COX7B2: variants seen among roughly 807,000 people sequenced by gnomAD.
The protein encoded by COX7B2 is cytochrome c oxidase subunit 7B2, also known as cytochrome c oxidase subunit 7B2, mitochondrial.
For missense variants in COX7B2, 109 were observed against 95.9 expected (o/e 1.14, Z -0.57); for synonymous variants, 37 against 32.1 (o/e 1.15, Z -0.51).
At chr4:46,771,368 A>G (rs912569533) in intron 2 of COX7B2, among the ~76,000 whole-genome samples, 6 of 152,102 alleles carry the variant, frequency 3.9e-5, no homozygotes, top group Non-Finnish European at 8.8e-5. Context: ...GTTGGTGGAC[A>G]TGTAAGTTGG....
At chr4:46,827,174 A>G (rs983286204) in intron 2 of COX7B2, among the ~76,000 whole-genome samples, 3 of 152,076 alleles carry the variant, frequency 2.0e-5, no homozygotes, top group African/African-American at 7.2e-5. Flanking sequence ...GTGAAAGAAA[A>G]AAATATTTGC....
intron 2 of COX7B2, among the ~76,000 whole-genome samples, chr4:46,809,464 T>C (rs531107010): frequency 1.3e-5 from 2 of 152,012 alleles, no homozygotes; most frequent in South Asian, 4.1e-4. Flanking sequence ...TTTTGGTATG[T>C]TGTGTTCCCA....
At chr4:46,737,962 G>A (rs1251782196) in intron 2 of COX7B2, among the ~76,000 whole-genome samples, 2 of 152,078 alleles carry the variant, frequency 1.3e-5, no homozygotes, top group South Asian at 2.1e-4. Context: ...AATTTCTTCC[G>A]AGGTTCAAGA....
At chr4:46,778,314 G>A (rs1717266870) in intron 2 of COX7B2, among the ~76,000 whole-genome samples, 1 of 152,016 alleles carries the variant, frequency 6.6e-6, no homozygotes, top group African/African-American at 2.4e-5. Flanking sequence ...TTACACAAGT[G>A]TCTCCTATAC....
intron 2 of COX7B2, among the ~76,000 whole-genome samples, chr4:46,739,434 C>T (rs1408444715): frequency 2.0e-5 from 3 of 151,958 alleles, no homozygotes; most frequent in Non-Finnish European, 2.9e-5. Flanking sequence ...TATTTATTTA[C>T]CTATTAACTA....
intron 1 of COX7B2, among the ~76,000 whole-genome samples, chr4:46,882,549 C>T (rs1718813356): frequency 6.6e-6 from 1 of 152,056 alleles, no homozygotes; most frequent in Non-Finnish European, 1.5e-5. Context: ...TTATGTAATG[C>T]CTTTCTTTGT....
chr4:46,858,964 T>C (rs919583706), intron 1 of COX7B2, among the ~76,000 whole-genome samples: 1 of 152,232 alleles, frequency 6.6e-6, no homozygotes, highest in Non-Finnish European at 1.5e-5. Flanking sequence ...GATTTTCCTC[T>C]CACTGTTCAT....
intron 2 of COX7B2, among the ~76,000 whole-genome samples, chr4:46,753,746 C>T (rs1045564721): frequency 1.3e-5 from 2 of 151,838 alleles, no homozygotes; most frequent in Non-Finnish European, 2.9e-5. Context: ...TTCTGCAGAG[C>T]AAAAGAAACT....
At chr4:46,764,947 C>A (rs1458197676) in intron 2 of COX7B2, among the ~76,000 whole-genome samples, 1 of 151,682 alleles carries the variant, frequency 6.6e-6, no homozygotes, top group Non-Finnish European at 1.5e-5. Flanking sequence ...AACAAAATGA[C>A]AACAGGACAA....
At chr4:46,897,814 G>A (rs186140161) in intron 1 of COX7B2, among the ~76,000 whole-genome samples, 174 of 152,104 alleles carry the variant, frequency 1.1e-3, no homozygotes, top group African/African-American at 4.0e-3. Context: ...CCCTACCCTG[G>A]GTAATATTTT....
intron 2 of COX7B2, among the ~76,000 whole-genome samples, chr4:46,797,686 C>G (rs1411156871): frequency 6.6e-6 from 1 of 152,162 alleles, no homozygotes; most frequent in Non-Finnish European, 1.5e-5. Context: ...CCCACCACAT[C>G]TCCATTCAAC....
intron 2 of COX7B2, among the ~76,000 whole-genome samples, chr4:46,835,414 C>T (rs998385351): frequency 3.3e-5 from 5 of 151,712 alleles, no homozygotes; most frequent in Non-Finnish European, 4.4e-5. Flanking sequence ...GTAACTGTTA[C>T]GAGATACGCA....
intron 2 of COX7B2, among the ~76,000 whole-genome samples, chr4:46,804,466 G>T (rs1351562992): frequency 6.6e-6 from 1 of 152,068 alleles, no homozygotes; most frequent in African/African-American, 2.4e-5. Context: ...GCTGATTGGT[G>T]TGTTTACAAT....
intron 2 of COX7B2, among the ~76,000 whole-genome samples, chr4:46,820,991 T>C (rs1044957238): frequency 2.0e-5 from 3 of 152,058 alleles, no homozygotes; most frequent in African/African-American, 7.2e-5. Flanking sequence ...CCTGAGAATC[T>C]GAATTTTAAC....
At chr4:46,874,808 A>G (rs2109832229) in intron 1 of COX7B2, among the ~76,000 whole-genome samples, 1 of 152,294 alleles carries the variant, frequency 6.6e-6, no homozygotes, top group East Asian at 1.9e-4. Flanking sequence ...TATTTTTGTA[A>G]GACTGACACA....
rs376897482 is a variant in COX7B2, at chr4:46,794,570, T to C, written c.-50+50390A>G. On this transcript the variant is annotated intron_variant, in intron 2 of 2. Coordinates refer to ENST00000355591, the MANE Select transcript of COX7B2 (RefSeq NM_130902.3). ...GGGAGCCCCAGCATCCTTAAAGAGC[T>C]CTGTAATTGCTCTTCTCTCGTCTGT... Among the ~76,000 whole-genome samples the C allele has an allele frequency of 3.8e-4, 58 of 152,168 alleles. No homozygotes were observed. In the East Asian group the frequency reaches 7.6e-3, roughly 20 times the overall value.
intron 1 of COX7B2, among the ~76,000 whole-genome samples, chr4:46,852,374 T>A (rs1716742646): frequency 6.6e-6 from 1 of 152,078 alleles, no homozygotes; most frequent in Non-Finnish European, 1.5e-5. Context: ...TGTTAAATAC[T>A]TAATTAGCAC....
intron 1 of COX7B2, among the ~76,000 whole-genome samples, chr4:46,878,463 A>G (rs979232320): frequency 6.6e-6 from 1 of 150,854 alleles, no homozygotes; most frequent in African/African-American, 2.4e-5. Context: ...ATTTTACTAC[A>G]TATACATAAG....
chr4:46,794,690 C>T (rs926494857), intron 2 of COX7B2, among the ~76,000 whole-genome samples: 2 of 152,056 alleles, frequency 1.3e-5, no homozygotes, highest in Non-Finnish European at 2.9e-5. Context: ...ACTCAACTGC[C>T]AAAGACAAGG....
Sources: allele counts gnomAD v4.1 joint callset (sites outside exome capture counted in the v4.1 genomes callset), GRCh38; gene constraint gnomAD v4.1.1; transcripts MANE v1.5; gene names NCBI Gene and HGNC (gene_info 2026-07-23, HGNC 2026-07-21).